PDE10A: variants seen among roughly 807,000 people sequenced by gnomAD.
The protein encoded by PDE10A is cAMP and cAMP-inhibited cGMP 3',5'-cyclic phosphodiesterase 10A.
A neutral mutation model predicts 97.7 loss-of-function variants in PDE10A; 39 were observed. That is an observed-to-expected ratio of 0.40 (90% CI 0.31 to 0.52). The LOEUF is 0.52. Among genes scored for constraint, PDE10A ranks in the 20% least tolerant of loss-of-function variants. PDE10A has a pLI of 0.56. For synonymous variants in PDE10A, 371 were observed against 376.8 expected (o/e 0.98, Z 0.18); for missense variants, 731 against 1,047.8 (o/e 0.70, Z 4.17).
In PDE10A at chr6:165,752,211, G is replaced by A. The variant is rs926709246; in HGVS notation, c.-614-208643C>T. On this transcript the variant is annotated intron_variant, in intron 1 of 19. Transcript: ENST00000366882. ...TACAGCCTATACACTGCTGAATGTGGGTGCGCACTGTCTATCAGTTAGCCC... is the reference window on the plus strand; with the variant it reads ...TACAGCCTATACACTGCTGAATGTGAGTGCGCACTGTCTATCAGTTAGCCC... Among the ~76,000 whole-genome samples, 5 of 151,824 alleles carry A rather than the reference G, an allele frequency of 3.3e-5. No homozygotes were observed. The East Asian group carries it at 9.7e-4, about 29-fold the overall frequency.
At chr6:165,664,955 G>GA (rs1164861897), upstream of PDE10A, among the ~76,000 whole-genome samples, 2 of 152,208 alleles carry the variant, frequency 1.3e-5, no homozygotes, top group African/African-American at 4.8e-5. Context: ...GACAGGGTGG[G>GA]AAACCCCAAA....
chr6:165,775,159 T>G (rs1316715457), intron 1 of PDE10A: 1 of 152,144 alleles, frequency 6.6e-6, no homozygotes, highest in Non-Finnish European at 1.5e-5. Context: ...AAACTTGTTT[T>G]CTAGTTTATC....
At chr6:165,375,765 T>C (rs185050900) in intron 18 of PDE10A, among the ~76,000 whole-genome samples, 77 of 152,308 alleles carry the variant, frequency 5.1e-4, no homozygotes, top group African/African-American at 1.8e-3. Context: ...GTAAAGCCAA[T>C]GATTATTTAC....
At chr6:165,958,765 G>GAAAGA (rs758615555) in intron 1 of PDE10A, among the ~76,000 whole-genome samples, 5 of 144,966 alleles carry the variant, frequency 3.4e-5, no homozygotes, top group Admixed American at 6.9e-5. Flanking sequence ...AAGAAAGAAA[G>GAAAGA]AAGAAAGCAA....
chr6:165,432,252 T>C (rs1789628128), intron 7 of PDE10A, among the ~76,000 whole-genome samples: 1 of 152,126 alleles, frequency 6.6e-6, no homozygotes, highest in African/African-American at 2.4e-5. Context: ...AAACATTGGA[T>C]AGGAGCCATT....
intron 1 of PDE10A, among the ~76,000 whole-genome samples, chr6:165,569,705 G>A (rs555988122): frequency 2.0e-5 from 3 of 152,202 alleles, no homozygotes; most frequent in East Asian, 3.9e-4. Flanking sequence ...TTTAACCAAG[G>A]AAGAATGCTT....
chr6:165,758,071 C>A lies in PDE10A; in HGVS notation c.-614-214503G>T, dbSNP rs186983833. ...TCTTCACCTGAACTGTCATTAGTGA[C>A]AATAAGTGGAAGGTTATGATTGATG... On this transcript the variant is annotated intron_variant, in intron 1 of 19. Transcript: ENST00000366882. Among the ~76,000 whole-genome samples, 569 of 152,292 alleles carry A rather than the reference C, an allele frequency of 3.7e-3. 3 individuals carry two copies. Among genetic ancestry groups the A allele is most frequent in the African/African-American group, 0.013 (547 of 41,548 alleles).
chr6:165,546,788 A>C (rs73250025), intron 1 of PDE10A, among the ~76,000 whole-genome samples: 1,767 of 152,268 alleles, frequency 0.012, 38 homozygotes, highest in African/African-American at 0.04. Context: ...GTAATGAATT[A>C]AAGTTGGAGA....
chr6:165,594,462 A>G (rs1786467176), intron 1 of PDE10A, among the ~76,000 whole-genome samples: 1 of 152,238 alleles, frequency 6.6e-6, no homozygotes, highest in South Asian at 2.1e-4. Flanking sequence ...TACTGAATAG[A>G]GAAGGAATCC....
chr6:165,450,643 C>G (rs969649448), intron 3 of PDE10A, among the ~76,000 whole-genome samples: 4 of 152,062 alleles, frequency 2.6e-5, no homozygotes, highest in African/African-American at 9.7e-5. Flanking sequence ...TCACTGCAAC[C>G]TCCACCTCCT....
At chr6:165,687,105 TC>T (rs1052706577) in intron 1 of PDE10A, among the ~76,000 whole-genome samples, 2 of 152,210 alleles carry the variant, frequency 1.3e-5, no homozygotes, top group Non-Finnish European at 2.9e-5. Flanking sequence ...CATGGCTGCT[TC>T]CCATCTCCCT....
intron 1 of PDE10A, among the ~76,000 whole-genome samples, chr6:165,688,687 G>A (rs915061182): frequency 3.3e-5 from 5 of 152,248 alleles, no homozygotes; most frequent in African/African-American, 1.2e-4. Flanking sequence ...GAAGAACAGT[G>A]ACTATGTTAT....
intron 1 of PDE10A, among the ~76,000 whole-genome samples, chr6:165,703,615 A>G (rs1247739373): frequency 6.6e-6 from 1 of 152,246 alleles, no homozygotes; most frequent in Non-Finnish European, 1.5e-5. Context: ...CCTTTTAAGA[A>G]CACAGGTAAG....
chr6:165,572,657 T>C (rs1785103463), intron 1 of PDE10A, among the ~76,000 whole-genome samples: 1 of 152,204 alleles, frequency 6.6e-6, no homozygotes, highest in South Asian at 2.1e-4. Context: ...CCCAGCACTT[T>C]GGGAAGCCAA....
At chr6:165,905,892 A>C (rs1782247419) in intron 1 of PDE10A, among the ~76,000 whole-genome samples, 1 of 151,990 alleles carries the variant, frequency 6.6e-6, no homozygotes, top group African/African-American at 2.4e-5. Context: ...TAAAAGTAAT[A>C]GTATACGTTC....
intron 1 of PDE10A, among the ~76,000 whole-genome samples, chr6:165,677,822 T>A (rs928489285): frequency 6.6e-6 from 1 of 152,076 alleles, no homozygotes; most frequent in East Asian, 1.9e-4. Context: ...TTTGTATATA[T>A]GTGTGATGTG....
At chr6:165,408,037 G>T (rs1787352652) in intron 13 of PDE10A, among the ~76,000 whole-genome samples, 1 of 152,166 alleles carries the variant, frequency 6.6e-6, no homozygotes, top group Non-Finnish European at 1.5e-5. Flanking sequence ...CTGCTTCTTA[G>T]ATAGGCTCTT....
intron 1 of PDE10A, among the ~76,000 whole-genome samples, chr6:165,676,846 C>G (rs957096734): frequency 6.6e-6 from 1 of 152,178 alleles, no homozygotes; most frequent in Non-Finnish European, 1.5e-5. Flanking sequence ...TGCCTGTCGG[C>G]ATGGACTTGC....
chr6:165,805,387 C>T (rs1037562510), intron 1 of PDE10A, among the ~76,000 whole-genome samples: 1 of 152,080 alleles, frequency 6.6e-6, no homozygotes, highest in Non-Finnish European at 1.5e-5. Flanking sequence ...GGCGCAGGTG[C>T]GAAGGATGAA....
Sources: gnomAD v4.1 joint callset for allele counts (sites outside exome capture counted in the v4.1 genomes callset) on GRCh38, gnomAD v4.1.1 for gene constraint, MANE v1.5 for transcripts, NCBI Gene and HGNC (gene_info 2026-07-23, HGNC 2026-07-21) for gene names.